CEP152: variants seen among roughly 807,000 people sequenced by gnomAD.
CEP152 encodes the protein centrosomal protein 152.
CEP152 carries 132 observed loss-of-function variants against 188.9 expected under a neutral mutation model. The ratio of observed to expected loss-of-function variants is 0.70; its 90% confidence interval spans 0.61 to 0.81. CEP152 has a LOEUF of 0.81. CEP152 is among the 30% of genes least tolerant of loss of function. CEP152 has a pLI of 0.00. For synonymous variants in CEP152, 649 were observed against 666.6 expected (o/e 0.97, Z 0.41); for missense variants, 1,914 against 1,969.8 (o/e 0.97, Z 0.54).
intron 18 of CEP152, among the ~76,000 whole-genome samples, chr15:48,760,612 A>G (rs16961587): frequency 0.036 from 5,438 of 152,216 alleles, 223 homozygotes; most frequent in African/African-American, 0.095. Context: ...CTTGGTGCCA[A>G]CTGCTGTCTA....
rs2140883328 is a variant in CEP152, at chr15:48,790,891, C to T, written c.972+346G>A. 1.3e-5 allele frequency among the ~76,000 whole-genome samples: 2 copies of T among 152,198 alleles called. 1 individual carries two copies. The highest frequency in any genetic ancestry group is 4.1e-4 in the South Asian group (2 of 4,830). ...CCATCACTTTCATTTTTAACCCTGC[C>T]CCCTGCCAAAAAATGAATCAACCAC... On this transcript the variant is annotated intron_variant, in intron 8 of 26. Coordinates refer to ENST00000380950, the MANE Select transcript of CEP152 (RefSeq NM_001194998.2).
rs950305125 is a variant in CEP152 at position 48,752,392 on chromosome 15, G to T, written c.3423C>A (p.His1141Gln). ...GQGDPGPAAG[H>Q]HAQPLALQAT... The stretch of plus-strand genomic sequence containing the variant: ...CTTGTAAGGCCAAGGGCTGAGCATG[G>T]TGTCCAGCAGCAGGTCCAGGGTCTC... Residue 1141 changes from histidine (H) to glutamine (Q), a missense_variant, in exon 21 of 27, where the codon CAC becomes CAA. By Grantham distance (24) the His-to-Gln change is conservative. Coordinates refer to ENST00000380950, the MANE Select transcript of CEP152 (RefSeq NM_001194998.2). The T allele has an allele frequency of 3.1e-6, 5 of 1,614,002 alleles. No individual in the cohort carries two copies. Among genetic ancestry groups the T allele is most frequent in the Non-Finnish European group, 4.2e-6 (5 of 1,180,020 alleles).
chr15:48,781,167 T>C (rs777180465), intron 12 of CEP152, 29 bp downstream of exon 12: 29 of 1,603,334 alleles, frequency 1.8e-5, no homozygotes, highest in South Asian at 6.6e-5. Flanking sequence ...TTGGTTCTTC[T>C]ACAGTAAACT....
intron 22 of CEP152, 31 bp downstream of exon 22, chr15:48,748,412 T>A: frequency 6.7e-7 from 1 of 1,497,506 alleles, no homozygotes; most frequent in Non-Finnish European, 8.9e-7. Flanking sequence ...AAGAAATTCA[T>A]ATTGGTAGCA....
chr15:48,742,163 A>G (rs1893027687), intron 24 of CEP152, 63 bp from the exon 25 acceptor site: 1 of 1,458,106 alleles, frequency 6.9e-7, no homozygotes, highest in African/African-American at 1.4e-5. Context: ...CAGAAACAGG[A>G]GGGGCAGACT....
At chr15:48,801,969 T>C (rs1014560842) in intron 2 of CEP152, among the ~76,000 whole-genome samples, 9 of 152,004 alleles carry the variant, frequency 5.9e-5, no homozygotes, top group Non-Finnish European at 1.2e-4. Flanking sequence ...TGGTGGTGCA[T>C]GCCTCTAATC....
Position 48,738,644 on chromosome 15 carries a change from T to G in CEP152, c.4738A>C (p.Thr1580Pro), listed in dbSNP as rs200883218. The G allele has an allele frequency of 6.2e-7, 1 of 1,614,158 alleles. No homozygotes were observed. The highest frequency in any genetic ancestry group is 1.1e-5 in the South Asian group (1 of 91,086). ...GCTTCACGACTGTCAAAGGATAAGGTTGCACTGCTGGAAGGCCAGCCCAAG... is the reference window on the plus strand; with the variant it reads ...GCTTCACGACTGTCAAAGGATAAGGGTGCACTGCTGGAAGGCCAGCCCAAG... ...DCLGWPSSSATLSFDSREASF... is the reference protein window; with the variant it reads ...DCLGWPSSSAPLSFDSREASF... Residue 1580 changes from threonine (T) to proline (P), a missense_variant, in exon 27 of 27, where the codon ACC (threonine) becomes CCC (proline). Physicochemically the swap from Thr to Pro is conservative, Grantham distance 38. Coordinates refer to ENST00000380950, the MANE Select transcript of CEP152 (RefSeq NM_001194998.2).
intron 26 of CEP152, chr15:48,741,350 G>A (rs1003760511): frequency 3.9e-6 from 5 of 1,284,856 alleles, no homozygotes; most frequent in Non-Finnish European, 4.0e-6. Context: ...TTCTTTATTT[G>A]CTGTTTAAAA....
At chr15:48,786,408 A>AG (rs1896636933) in intron 9 of CEP152, among the ~76,000 whole-genome samples, 1 of 152,160 alleles carries the variant, frequency 6.6e-6, no homozygotes, top group Admixed American at 6.5e-5. Context: ...CTATTATAAT[A>AG]TGTTGTGAGT....
chr15:48,761,155 CT>C (rs1168558167), intron 18 of CEP152, among the ~76,000 whole-genome samples: 4 of 152,156 alleles, frequency 2.6e-5, no homozygotes, highest in African/African-American at 9.7e-5. Context: ...TTAAACTCAA[CT>C]TTTTGTCTGT....
intron 12 of CEP152, chr15:48,773,358 A>T (rs1895686414): frequency 6.5e-6 from 1 of 152,994 alleles, no homozygotes; most frequent in African/African-American, 2.4e-5. Context: ...TTCCTGAGAA[A>T]AGGAAAGCAA....
At chr15:48,734,366 A>G (rs1303873317), downstream of CEP152, among the ~76,000 whole-genome samples, 1 of 151,502 alleles carries the variant, frequency 6.6e-6, no homozygotes, top group Non-Finnish European at 1.5e-5. Flanking sequence ...GATACCTATG[A>G]TAAGTAGAGA....
chr15:48,794,498 G>C (rs1286486546), intron 6 of CEP152, among the ~76,000 whole-genome samples: 1 of 152,164 alleles, frequency 6.6e-6, no homozygotes, highest in African/African-American at 2.4e-5. Context: ...TCTTATAGTA[G>C]AGCTAGCCCC....
chr15:48,798,821 T>TA (rs1897493941), intron 2 of CEP152, among the ~76,000 whole-genome samples: 1 of 152,190 alleles, frequency 6.6e-6, no homozygotes, highest in Admixed American at 6.5e-5. Flanking sequence ...TCAAATGTGA[T>TA]AAAAAGATGA....
intron 2 of CEP152, among the ~76,000 whole-genome samples, chr15:48,800,645 C>A (rs1489097965): frequency 6.6e-6 from 1 of 152,100 alleles, no homozygotes; most frequent in African/African-American, 2.4e-5. Flanking sequence ...AGATTTAATA[C>A]CACTCATTAA....
In CEP152 at chr15:48,793,479, T is replaced by G. The variant is rs753387140; in HGVS notation, c.692-18A>C. ...TGCAGAGTCTGGGAATTAAAGACAA[T>G]TTATTAGATAAAAACATACCAAAAT... is the stretch of plus-strand genomic sequence containing the variant. On this transcript the variant is annotated intron_variant, in intron 6 of 26. Transcript: ENST00000380950. 2.3e-5 allele frequency: 37 copies of G among 1,606,152 alleles called. 2 individuals are homozygous for G. In the Middle Eastern group the frequency reaches 2.9e-3, roughly 124 times the overall value.
At chr15:48,807,970 A>T (rs1898093958) in intron 1 of CEP152, among the ~76,000 whole-genome samples, 1 of 152,166 alleles carries the variant, frequency 6.6e-6, no homozygotes, top group South Asian at 2.1e-4. Context: ...ACATGTCATT[A>T]AAGAAGACAT....
intron 9 of CEP152, 46 bp downstream of exon 9, chr15:48,788,755 C>T (rs1356152507): frequency 6.6e-7 from 1 of 1,521,576 alleles, no homozygotes; most frequent in Non-Finnish European, 9.1e-7. Context: ...AAAACATAAC[C>T]AGCTTTACTT....
At chr15:48,731,851 C>T (rs111554957) in intron 2 of CEP152, among the ~76,000 whole-genome samples, 22,419 of 152,038 alleles carry the variant, frequency 0.15, 1,879 homozygotes, top group East Asian at 0.38. Context: ...AAACAAACAA[C>T]CCCAACAAAA....
Sources: allele counts gnomAD v4.1 joint callset (sites outside exome capture counted in the v4.1 genomes callset), GRCh38; gene constraint gnomAD v4.1.1; transcripts MANE v1.5; gene names NCBI Gene and HGNC (gene_info 2026-07-23, HGNC 2026-07-21).